The following PRKCE variants were observed in gnomAD, a reference collection of about 807,000 sequenced individuals.
The protein encoded by PRKCE is protein kinase C epsilon type.
Under a neutral mutation model 85.4 loss-of-function variants are expected in PRKCE, and 16 were observed. The observed-to-expected ratio is 0.19, with a 90% confidence interval of 0.13 to 0.28. PRKCE has a LOEUF of 0.28. Among genes scored for constraint, PRKCE ranks in the 10% least tolerant of loss-of-function variants. PRKCE has a pLI of 1.00. For missense variants in PRKCE, 573 were observed against 975.2 expected (o/e 0.59, Z 5.49); for synonymous variants, 388 against 371.5 (o/e 1.04, Z -0.51).
intron 1 of PRKCE, among the ~76,000 whole-genome samples, chr2:45,731,892 A>G (rs1391553379): frequency 2.6e-5 from 4 of 152,080 alleles, no homozygotes; most frequent in Non-Finnish European, 4.4e-5. Context: ...GACATGAACC[A>G]GTGTACCTGG....
chr2:45,822,372 G>C (rs1470034182), intron 1 of PRKCE, among the ~76,000 whole-genome samples: 1 of 152,208 alleles, frequency 6.6e-6, no homozygotes, highest in Non-Finnish European at 1.5e-5. Flanking sequence ...TGAGAAAGCA[G>C]CCCACATTGT....
At chr2:45,785,792 C>A (rs1686555810) in intron 1 of PRKCE, among the ~76,000 whole-genome samples, 1 of 152,150 alleles carries the variant, frequency 6.6e-6, no homozygotes, top group Non-Finnish European at 1.5e-5. Flanking sequence ...AACTGGAGAC[C>A]ACTCAACCCA....
At chr2:46,171,826 G>A (rs1408763616) in intron 14 of PRKCE, among the ~76,000 whole-genome samples, 1 of 152,206 alleles carries the variant, frequency 6.6e-6, no homozygotes, top group Admixed American at 6.5e-5. Context: ...ACACAAGGCA[G>A]ATGCGCATGT....
At chr2:46,176,133 C>G (rs879323341) in intron 14 of PRKCE, among the ~76,000 whole-genome samples, 4 of 152,058 alleles carry the variant, frequency 2.6e-5, no homozygotes, top group East Asian at 1.9e-4. Context: ...CCAATTTTCC[C>G]CAAAGAGAAA....
At chr2:45,677,745 T>A in intron 1 of PRKCE, 2 of 459,200 alleles carry the variant, frequency 4.4e-6, no homozygotes, top group Non-Finnish European at 5.7e-6. Flanking sequence ...GTAAAGATAC[T>A]CTGGCTTGTG....
intron 11 of PRKCE, among the ~76,000 whole-genome samples, chr2:46,103,400 G>T (rs1471093815): frequency 6.6e-6 from 1 of 152,206 alleles, no homozygotes; most frequent in Non-Finnish European, 1.5e-5. Context: ...TAGGTGCGAA[G>T]TGTGCTAGTT....
chr2:46,030,946 G>A (rs779688845), intron 10 of PRKCE, among the ~76,000 whole-genome samples: 3 of 152,046 alleles, frequency 2.0e-5, no homozygotes, highest in Non-Finnish European at 4.4e-5. Context: ...TGTCTTGCAC[G>A]GTCCTGTATA....
At chr2:46,086,486 T>G (rs1294318553) in intron 11 of PRKCE, 124 bp downstream of exon 11, 1 of 1,204,844 alleles carries the variant, frequency 8.3e-7, no homozygotes, top group Non-Finnish European at 1.1e-6. Flanking sequence ...AGTTGTTTGT[T>G]CCAATTTGCT....
In PRKCE at chr2:46,086,234, T is replaced by C. The variant is rs1669628344; in HGVS notation, c.1464T>C (p.Tyr488=). ...TKDRLFFVME[Y]VNGGDLMFQI... ...ACCGCCTCTTTTTCGTCATGGAATATGTAAATGGTGGAGACCTCATGTTTC... is the reference window on the plus strand; with the variant it reads ...ACCGCCTCTTTTTCGTCATGGAATACGTAAATGGTGGAGACCTCATGTTTC... The change falls in exon 11 of 15, where the codon TAT becomes TAC. Residue 488 remains tyrosine (Y), a synonymous_variant. Coordinates refer to ENST00000306156, the MANE Select transcript of PRKCE (RefSeq NM_005400.3). 4 of 1,599,690 alleles carry C rather than the reference T, an allele frequency of 2.5e-6. No homozygotes were observed. Among genetic ancestry groups the C allele is most frequent in the African/African-American group, 2.7e-5 (2 of 75,040 alleles).
intron 11 of PRKCE, among the ~76,000 whole-genome samples, chr2:46,114,618 A>G (rs1405503415): frequency 6.6e-6 from 1 of 151,160 alleles, no homozygotes; most frequent in African/African-American, 2.4e-5. Flanking sequence ...ATGGAGTTTC[A>G]CCATGTTAGC....
intron 2 of PRKCE, among the ~76,000 whole-genome samples, chr2:45,894,102 G>A (rs1695949916): frequency 6.6e-6 from 1 of 152,168 alleles, no homozygotes; most frequent in Admixed American, 6.5e-5. Context: ...CATACACATT[G>A]TCGCACAGGG....
At chr2:46,070,172 G>C (rs535506888) in intron 10 of PRKCE, among the ~76,000 whole-genome samples, 30 of 152,302 alleles carry the variant, frequency 2.0e-4, no homozygotes, top group African/African-American at 7.2e-4. Flanking sequence ...AGAAGGCAAG[G>C]GTCCTTTGGT....
chr2:46,066,201 G>C (rs554929460), intron 10 of PRKCE, among the ~76,000 whole-genome samples: 4 of 152,178 alleles, frequency 2.6e-5, no homozygotes, highest in Non-Finnish European at 5.9e-5. Flanking sequence ...CAGGTGAAGG[G>C]GAAGCATTTA....
chr2:45,732,630 C>T (rs1681676573), intron 1 of PRKCE, among the ~76,000 whole-genome samples: 1 of 152,182 alleles, frequency 6.6e-6, no homozygotes, highest in African/African-American at 2.4e-5. Context: ...AGGAAGTCTT[C>T]CCGGATCCTC....
At chr2:45,997,306 A>G (rs1470572075) in intron 6 of PRKCE, among the ~76,000 whole-genome samples, 1 of 151,898 alleles carries the variant, frequency 6.6e-6, no homozygotes, top group East Asian at 1.9e-4. Context: ...TCTGTTTTTA[A>G]TTCAAATGAT....
intron 10 of PRKCE, among the ~76,000 whole-genome samples, chr2:46,024,496 A>T (rs954633494): frequency 2.6e-5 from 4 of 152,088 alleles, no homozygotes; most frequent in Non-Finnish European, 5.9e-5. Flanking sequence ...GGTCAGTATG[A>T]TATTCACCTG....
rs1042495271 is a variant in PRKCE, at chr2:46,187,080, G to C, written c.*2199G>C. 9 of 152,648 alleles carry C rather than the reference G, an allele frequency of 5.9e-5. No individual in the cohort carries two copies. The highest frequency in any genetic ancestry group is 5.9e-4 in the Admixed American group (9 of 15,286). The allele number at this position is 152,648 out of a possible 1,614,324, so 9.5% of individuals were successfully genotyped here. On this transcript the variant is annotated 3_prime_UTR_variant, in exon 15 of 15. Transcript: ENST00000306156. ...GTGGCATCATCTCATTTTTTAGGAAGACATGATAATACTGCCCATCATATT... is the reference window on the plus strand; with the variant it reads ...GTGGCATCATCTCATTTTTTAGGAACACATGATAATACTGCCCATCATATT...
At chr2:45,889,267 G>A (rs1393360676) in intron 2 of PRKCE, among the ~76,000 whole-genome samples, 1 of 152,102 alleles carries the variant, frequency 6.6e-6, no homozygotes, top group East Asian at 1.9e-4. Context: ...ATGGAGGGCG[G>A]GAGAAAGCCG....
intron 2 of PRKCE, among the ~76,000 whole-genome samples, chr2:45,937,555 A>G (rs545750937): frequency 3.9e-5 from 6 of 152,236 alleles, no homozygotes; most frequent in African/African-American, 1.4e-4. Context: ...CACTAAAAAT[A>G]CAAAAAAAAA....
Sources: allele counts gnomAD v4.1 joint callset (sites outside exome capture counted in the v4.1 genomes callset), GRCh38; gene constraint gnomAD v4.1.1; transcripts MANE v1.5; gene names NCBI Gene and HGNC (gene_info 2026-07-23, HGNC 2026-07-21).